Variants in PCDHA3 observed in about 807,000 individuals in gnomAD.
PCDHA3 encodes protocadherin alpha-3.
A neutral mutation model predicts 62.2 loss-of-function variants in PCDHA3; 41 were observed. The ratio of observed to expected loss-of-function variants is 0.66; its 90% CI spans 0.51 to 0.86. The LOEUF (loss-of-function observed/expected upper bound fraction) is 0.86, where lower values mean the gene tolerates loss of function less well. PCDHA3 is among the 40% of genes least tolerant of loss of function. PCDHA3 has a pLI of 0.00. For missense variants in PCDHA3, 1,304 were observed against 1,241.2 expected (o/e 1.05, Z -0.76); for synonymous variants, 640 against 555.4 (o/e 1.15, Z -2.14).
At chr5:140,836,418 T>C in intron 1 of PCDHA3, 3 of 1,613,726 alleles carry the variant, frequency 1.9e-6, no homozygotes. Context: ...ACCAAAGGCG[T>C]CGTCGCGGGC....
intron 1 of PCDHA3, among the ~76,000 whole-genome samples, chr5:140,956,765 C>T (rs2095308216): frequency 6.6e-6 from 1 of 152,134 alleles, no homozygotes; most frequent in Non-Finnish European, 1.5e-5. Flanking sequence ...AGCTGTAAAT[C>T]TGTCTGGTCC....
intron 1 of PCDHA3, chr5:140,829,146 T>C (rs372034322): frequency 1.2e-6 from 2 of 1,613,848 alleles, no homozygotes; most frequent in Non-Finnish European, 1.7e-6. Context: ...GAGATAGCAC[T>C]GACTTCCTTA....
chr5:140,828,221 T>C, intron 1 of PCDHA3: 2 of 1,614,030 alleles, frequency 1.2e-6, no homozygotes, highest in Non-Finnish European at 1.7e-6. Flanking sequence ...ACACGGCACC[T>C]TCGTGGGCCG....
At chr5:140,897,712 G>A (rs1180745180) in intron 1 of PCDHA3, among the ~76,000 whole-genome samples, 3 of 152,162 alleles carry the variant, frequency 2.0e-5, no homozygotes, top group African/African-American at 7.2e-5. Context: ...CCAGTAATGG[G>A]ATGGCTGGGT....
chr5:140,977,122 AG>A (rs2096747423), intron 1 of PCDHA3, among the ~76,000 whole-genome samples: 1 of 152,226 alleles, frequency 6.6e-6, no homozygotes, highest in South Asian at 2.1e-4. Flanking sequence ...TAATGAACTG[AG>A]TTTCCTGGTC....
intron 1 of PCDHA3, chr5:140,926,948 C>A: frequency 1.3e-6 from 2 of 1,589,774 alleles, no homozygotes; most frequent in South Asian, 1.1e-5. Flanking sequence ...GGCGCTGCAG[C>A]GGGACAGCTC....
At chr5:140,889,121 G>A (rs2062113098) in intron 1 of PCDHA3, among the ~76,000 whole-genome samples, 1 of 151,724 alleles carries the variant, frequency 6.6e-6, no homozygotes, top group East Asian at 1.9e-4. Flanking sequence ...AGGTGATACT[G>A]ATATGTCCTA....
intron 1 of PCDHA3, among the ~76,000 whole-genome samples, chr5:140,949,776 A>G (rs1554219139): frequency 6.6e-6 from 1 of 151,716 alleles, no homozygotes; most frequent in Non-Finnish European, 1.5e-5. Flanking sequence ...AATATTTGAT[A>G]TGTTTAGATT....
At chr5:140,843,559 G>A in intron 1 of PCDHA3, 1 of 1,595,950 alleles carries the variant, frequency 6.3e-7, no homozygotes, top group Non-Finnish European at 8.6e-7. Flanking sequence ...GTGCGGTGGG[G>A]AGCTGGTCAT....
At chr5:140,822,155 A>T in intron 1 of PCDHA3, 1 of 1,614,248 alleles carries the variant, frequency 6.2e-7, no homozygotes, top group Non-Finnish European at 8.5e-7. Flanking sequence ...GACATCAATG[A>T]CAATCCGCCC....
chr5:140,841,900 G>A lies in PCDHA3; in HGVS notation c.2394+38309G>A. On this transcript the variant is annotated intron_variant, in intron 1 of 3. Coordinates refer to ENST00000522353, the MANE Select transcript of PCDHA3 (RefSeq NM_018906.3). ...AGAACGATGAGAATAAACTGGTTGA[G>A]CTCGTATTAAGAAAATCCTTGGACA... 4 of 1,613,856 alleles carry A rather than the reference G, an allele frequency of 2.5e-6. 1 individual carries two copies. Among genetic ancestry groups the A allele is most frequent in the Non-Finnish European group, 3.4e-6 (4 of 1,179,838 alleles).
intron 1 of PCDHA3, chr5:140,871,488 C>T (rs370808040): frequency 3.4e-5 from 54 of 1,591,050 alleles, no homozygotes; most frequent in Non-Finnish European, 4.5e-5. Flanking sequence ...CAAATCACCC[C>T]GGACAGGTGA....
chr5:140,848,742 A>T (rs2150419290), intron 1 of PCDHA3: 2 of 1,593,114 alleles, frequency 1.3e-6, no homozygotes, highest in South Asian at 2.2e-5. Context: ...GCAGAATGGC[A>T]TTTTGTTTGT....
intron 1 of PCDHA3, among the ~76,000 whole-genome samples, chr5:140,939,514 A>G (rs1280466076): frequency 2.0e-5 from 3 of 152,236 alleles, no homozygotes; most frequent in African/African-American, 7.2e-5. Flanking sequence ...TATAACATTA[A>G]TAGTTATAGA....
chr5:140,936,077 G>A (rs2090754379), intron 1 of PCDHA3, among the ~76,000 whole-genome samples: 1 of 151,980 alleles, frequency 6.6e-6, no homozygotes, highest in South Asian at 2.1e-4. Flanking sequence ...ACTTTTAGTA[G>A]AGACAGGGTT....
intron 1 of PCDHA3, chr5:140,856,419 A>G: frequency 6.3e-7 from 1 of 1,598,426 alleles, no homozygotes; most frequent in Non-Finnish European, 8.6e-7. Context: ...GAAGTGAAGG[A>G]CATTAACGAC....
intron 1 of PCDHA3, chr5:140,883,657 C>T: frequency 1.2e-6 from 2 of 1,613,594 alleles, no homozygotes; most frequent in Non-Finnish European, 1.7e-6. Context: ...ACACGGTGTT[C>T]GTGAAGGAAA....
At chr5:140,948,764 G>T (rs962710607) in intron 1 of PCDHA3, among the ~76,000 whole-genome samples, 1 of 150,728 alleles carries the variant, frequency 6.6e-6, no homozygotes, top group African/African-American at 2.4e-5. Flanking sequence ...GATTTTTTTC[G>T]AATAGCCAGC....
At chr5:140,842,230 G>A in intron 1 of PCDHA3, 1 of 1,612,910 alleles carries the variant, frequency 6.2e-7, no homozygotes, top group Non-Finnish European at 8.5e-7. Context: ...GAGAAATAGT[G>A]ATTCGGGGTA....
Sources: allele counts gnomAD v4.1 joint callset (sites outside exome capture counted in the v4.1 genomes callset), GRCh38; gene constraint gnomAD v4.1.1; transcripts MANE v1.5; gene names NCBI Gene and HGNC (gene_info 2026-07-23, HGNC 2026-07-21).